The following PDK1 variants were observed in gnomAD, a reference collection of about 807,000 sequenced individuals.
PDK1 encodes the protein [Pyruvate dehydrogenase (acetyl-transferring)] kinase isozyme 1, mitochondrial.
PDK1 carries 39 observed loss-of-function variants against 54.2 expected under a neutral mutation model. That is an observed-to-expected ratio of 0.72 (90% CI 0.56 to 0.94). The LOEUF (loss-of-function observed/expected upper bound fraction) is 0.94, where lower values mean the gene tolerates loss of function less well. PDK1 is among the 40% of genes least tolerant of loss of function. PDK1 has a pLI of 0.00. For synonymous variants in PDK1, 221 were observed against 207.1 expected, an observed-to-expected ratio of 1.07 and a Z score of -0.58; for missense variants, 552 against 566.0, an observed-to-expected ratio of 0.98 and a Z score of 0.25.
the PDK1 span, among the ~76,000 whole-genome samples, chr2:172,711,865 CAAAA>C: frequency 1.3e-3 from 29 of 22,780 alleles, no homozygotes; most frequent in East Asian, 0.021. Flanking sequence ...GAACCTAGCT[CAAAA>C]AAAAAAAAAA....
chr2:172,591,496 A>G (rs1395267552), intron 9 of PDK1, among the ~76,000 whole-genome samples: 1 of 152,166 alleles, frequency 6.6e-6, no homozygotes, highest in East Asian at 1.9e-4. Flanking sequence ...TAGAGTAAGG[A>G]TAGATTTCGT....
At chr2:172,654,032 C>T in the PDK1 span, among the ~76,000 whole-genome samples, 2 of 152,016 alleles carry the variant, frequency 1.3e-5, no homozygotes, top group African/African-American at 4.8e-5. Context: ...ATGCTCATTG[C>T]TGGCCATCAG....
At chr2:172,592,861 G>A in intron 9 of PDK1, 74 bp from the exon 10 acceptor site, 1 of 764,938 alleles carries the variant, frequency 1.3e-6, no homozygotes, top group South Asian at 1.5e-5. Flanking sequence ...GGTACTCAAT[G>A]GCATCTATCT....
the PDK1 span, among the ~76,000 whole-genome samples, chr2:172,655,300 A>G: frequency 6.6e-6 from 1 of 152,018 alleles, no homozygotes; most frequent in Non-Finnish European, 1.5e-5. Context: ...TATTGAATAC[A>G]AACTCCTTAG....
rs1690874295 is a variant in PDK1, at chr2:172,596,055, A to G, written c.*86A>G. 8.9e-7 allele frequency: 1 copy of G among 1,129,734 alleles called. No homozygotes were observed. The highest frequency in any genetic ancestry group is 1.6e-5 in the African/African-American group (1 of 64,234). 70.0% of individuals were successfully genotyped at this position (1,129,734 alleles called of 1,614,324 possible). A position where few individuals can be genotyped will look rare whatever the true frequency, so the allele number is the denominator to read the frequency against. On this transcript the variant is annotated 3_prime_UTR_variant, in exon 11 of 11. Transcript: ENST00000282077. ...TGTTCAGAACTATATTATACCAAGT[A>G]CTTTATTTATCGTTTTCACAAAACT... is the stretch of plus-strand genomic sequence containing the variant.
chr2:172,617,116 A>AT, the PDK1 span, among the ~76,000 whole-genome samples: 1 of 151,574 alleles, frequency 6.6e-6, no homozygotes, highest in Admixed American at 6.6e-5. Flanking sequence ...CACATGGCTA[A>AT]TTTTTTTTGT....
the PDK1 span, among the ~76,000 whole-genome samples, chr2:172,670,981 T>A: frequency 6.6e-6 from 1 of 152,124 alleles, no homozygotes; most frequent in African/African-American, 2.4e-5. Flanking sequence ...ACGTGTTGAC[T>A]TTGATCCATA....
chr2:172,721,613 T>TA, the PDK1 span, among the ~76,000 whole-genome samples: 1 of 152,222 alleles, frequency 6.6e-6, no homozygotes, highest in Non-Finnish European at 1.5e-5. Context: ...GCTGGGATTA[T>TA]AGGTGTCAGC....
the PDK1 span, among the ~76,000 whole-genome samples, chr2:172,686,894 G>C: frequency 6.6e-6 from 1 of 152,066 alleles, no homozygotes; most frequent in Admixed American, 6.6e-5. Flanking sequence ...ACTATTATTA[G>C]ACAACTAAAA....
rs187242666 is a variant in PDK1, at chr2:172,568,298, A to T, written c.770-443A>T. Among the ~76,000 whole-genome samples the T allele has an allele frequency of 5.1e-4, 72 of 140,778 alleles. 2 individuals are homozygous for T. In the East Asian group the frequency reaches 0.013, roughly 25 times the overall value. 92.4% of individuals were successfully genotyped at this position (140,778 alleles called of 152,430 possible). A position where few individuals can be genotyped will look rare whatever the true frequency, so the allele number is the denominator to read the frequency against. ...AGCCAAGATCGCGCCACTGCACTCCAGTCTGGGCAACAGAGCAAGACTCCG... is the reference window on the plus strand; with the variant it reads ...AGCCAAGATCGCGCCACTGCACTCCTGTCTGGGCAACAGAGCAAGACTCCG... On this transcript the variant is annotated intron_variant, in intron 6 of 10. Transcript: ENST00000282077.
the PDK1 span, among the ~76,000 whole-genome samples, chr2:172,617,637 A>G: frequency 2.6e-5 from 4 of 151,972 alleles, no homozygotes; most frequent in African/African-American, 9.7e-5. Context: ...TAACCTATCC[A>G]TGAGGGCGAT....
At chr2:172,661,190 CCT>C in the PDK1 span, among the ~76,000 whole-genome samples, 2,283 of 152,188 alleles carry the variant, frequency 0.015, 53 homozygotes, top group African/African-American at 0.052. Context: ...TAGGCTCTAC[CCT>C]CTCCCAGTAG....
At chr2:172,593,086 G>A in intron 10 of PDK1, 38 bp downstream of exon 10, 1 of 1,075,966 alleles carries the variant, frequency 9.3e-7, no homozygotes, top group Non-Finnish European at 1.4e-6. Flanking sequence ...TATTTCTTTT[G>A]ATGATAAGAA....
chr2:172,704,051 C>T, the PDK1 span, among the ~76,000 whole-genome samples: 120 of 152,076 alleles, frequency 7.9e-4, no homozygotes, highest in African/African-American at 2.8e-3. Flanking sequence ...TGGGATTACA[C>T]GTGTGAGCCA....
the PDK1 span, among the ~76,000 whole-genome samples, chr2:172,669,446 G>A: frequency 2.0e-5 from 3 of 152,256 alleles, no homozygotes; most frequent in Admixed American, 6.5e-5. Flanking sequence ...GGTTGTTTTC[G>A]TGTCTTAGCT....
the PDK1 span, among the ~76,000 whole-genome samples, chr2:172,666,516 T>C: frequency 3.4e-3 from 524 of 152,346 alleles, 5 homozygotes; most frequent in African/African-American, 0.012. Flanking sequence ...CCTACTGCTG[T>C]GTCGTTCCCC....
chr2:172,625,298 A>T, the PDK1 span, among the ~76,000 whole-genome samples: 1 of 152,152 alleles, frequency 6.6e-6, no homozygotes, highest in Admixed American at 6.5e-5. Flanking sequence ...CCCCACTCTG[A>T]CAGTTAATTG....
At chr2:172,635,441 G>A in the PDK1 span, among the ~76,000 whole-genome samples, 6 of 151,948 alleles carry the variant, frequency 3.9e-5, no homozygotes, top group African/African-American at 1.2e-4. Flanking sequence ...TCCACCTCCC[G>A]AGTAGCTGGC....
chr2:172,555,927 G>C, upstream of PDK1: 1 of 375,338 alleles, frequency 2.7e-6, no homozygotes, highest in Non-Finnish European at 4.7e-6. Flanking sequence ...ACTCCGGCGA[G>C]GGGGCGGGCC....
Sources: gnomAD v4.1 joint callset for allele counts (sites outside exome capture counted in the v4.1 genomes callset) on GRCh38, gnomAD v4.1.1 for gene constraint, MANE v1.5 for transcripts, NCBI Gene and HGNC (gene_info 2026-07-23, HGNC 2026-07-21) for gene names.